The following ORC5 variants were observed in gnomAD, a reference collection of about 807,000 sequenced individuals.
ORC5 encodes origin recognition complex subunit 5, also known as protein phosphatase 1, regulatory subunit 117.
A neutral mutation model predicts 58.8 loss-of-function variants in ORC5; 39 were observed. The observed-to-expected ratio is 0.66, with a 90% confidence interval of 0.51 to 0.87. ORC5 has a LOEUF of 0.87. Ranked by LOEUF, ORC5 falls within the 40% of genes least tolerant of loss-of-function variation. The pLI is 0.00. For missense variants in ORC5, 493 were observed against 506.3 expected (o/e 0.97, Z 0.25); for synonymous variants, 218 against 177.6 (o/e 1.23, Z -1.81).
chr7:104,204,066 G>A, intron 2 of ORC5, 76 bp downstream of exon 2: 1 of 705,404 alleles, frequency 1.4e-6, no homozygotes. Context: ...TTTTGCATTT[G>A]TGGAGATTCA....
At chr7:104,161,929 T>C (rs907041993) in intron 11 of ORC5, among the ~76,000 whole-genome samples, 2 of 152,132 alleles carry the variant, frequency 1.3e-5, no homozygotes, top group African/African-American at 4.8e-5. Flanking sequence ...GCCAGGAAAA[T>C]TCAACACCAG....
At chr7:104,192,544 TA>T (rs1799699269) in intron 5 of ORC5, among the ~76,000 whole-genome samples, 2 of 152,006 alleles carry the variant, frequency 1.3e-5, no homozygotes, top group African/African-American at 4.8e-5. Flanking sequence ...AAAATAGCCT[TA>T]AAAGGGTCAA....
At chr7:104,131,119 G>A (rs561538446) in intron 13 of ORC5, among the ~76,000 whole-genome samples, 105 of 152,274 alleles carry the variant, frequency 6.9e-4, no homozygotes, top group African/African-American at 2.5e-3. Flanking sequence ...CCAACAAACT[G>A]CTTTCCTTTC....
intron 12 of ORC5, among the ~76,000 whole-genome samples, chr7:104,148,825 G>C (rs1798801077): frequency 6.6e-6 from 1 of 152,154 alleles, no homozygotes; most frequent in Non-Finnish European, 1.5e-5. Flanking sequence ...CTTGAGGTCA[G>C]GAGTTCAAGA....
intron 8 of ORC5, among the ~76,000 whole-genome samples, chr7:104,179,898 T>C (rs1210269837): frequency 1.3e-5 from 2 of 152,190 alleles, no homozygotes; most frequent in African/African-American, 4.8e-5. Flanking sequence ...AACTCTCTCT[T>C]TTAACTTTTT....
intron 1 of ORC5, 101 bp downstream of exon 1, chr7:104,207,732 T>C (rs529296667): frequency 1.8e-6 from 2 of 1,118,296 alleles, no homozygotes; most frequent in East Asian, 2.4e-5. Flanking sequence ...AAACGGCCTT[T>C]TGGCCCTCAA....
chr7:104,165,515 T>C (rs1799092898), intron 10 of ORC5: 1 of 342,088 alleles, frequency 2.9e-6, no homozygotes, highest in African/African-American at 2.2e-5. Flanking sequence ...AAAGAATTTC[T>C]AAAATAAAAT....
intron 8 of ORC5, among the ~76,000 whole-genome samples, chr7:104,177,913 T>C (rs1799356037): frequency 6.6e-6 from 1 of 152,232 alleles, no homozygotes; most frequent in Non-Finnish European, 1.5e-5. Flanking sequence ...ATCCTTTTCA[T>C]GGCTGCATAG....
In ORC5 at chr7:104,188,355, C is replaced by G. The variant is rs1322481732; in HGVS notation, c.580G>C (p.Asp194His). 1.2e-6 allele frequency: 2 copies of G among 1,610,326 alleles called. No individual in the cohort carries two copies. The highest frequency in any genetic ancestry group is 1.7e-6 in the Non-Finnish European group (2 of 1,177,118). Residue 194 changes from aspartate to histidine, a missense_variant, in exon 6 of 14, where the codon GAT becomes CAT. Physicochemically the swap from Asp to His is moderately conservative, Grantham distance 81 (BLOSUM62 -1). Transcript: ENST00000297431. Reference sequence around the variant, plus strand: ...TCAGCTGAATACTCTGGAGGATGATCATGGGACAGGATCTTTTGAAGGTTG... The same window carrying G: ...TCAGCTGAATACTCTGGAGGATGATGATGGGACAGGATCTTTTGAAGGTTG... ...IGNLQKILSH[D>H]HPPEYSADFY...
chr7:104,135,760 T>C (rs1798578285), intron 13 of ORC5, among the ~76,000 whole-genome samples: 1 of 152,212 alleles, frequency 6.6e-6, no homozygotes, highest in Admixed American at 6.5e-5. Flanking sequence ...TGTTTTAGGC[T>C]GAACAAAATA....
At chr7:104,166,134 T>C (rs1437196522) in intron 10 of ORC5, among the ~76,000 whole-genome samples, 1 of 152,012 alleles carries the variant, frequency 6.6e-6, no homozygotes, top group East Asian at 1.9e-4. Flanking sequence ...GCAAACATCA[T>C]GTGAAATAGG....
chr7:104,179,235 C>T (rs999323084), intron 8 of ORC5, among the ~76,000 whole-genome samples: 4 of 150,040 alleles, frequency 2.7e-5, no homozygotes, highest in African/African-American at 9.8e-5. Context: ...ATGTGTGAAG[C>T]ATCACACCCA....
chr7:104,173,763 C>G (rs1799260753), intron 8 of ORC5, among the ~76,000 whole-genome samples: 1 of 151,184 alleles, frequency 6.6e-6, no homozygotes, highest in African/African-American at 2.4e-5. Context: ...TGAGGTATGT[C>G]TTTTCTGGTG....
intron 13 of ORC5, 105 bp from the exon 14 acceptor site, chr7:104,126,998 A>C (rs1156725770): frequency 2.9e-5 from 21 of 717,700 alleles, no homozygotes; most frequent in South Asian, 1.6e-4. Context: ...TAATGCTAAA[A>C]ATCCTATAGT....
In ORC5 at chr7:104,177,078, T is replaced by C. The variant is rs190231235; in HGVS notation, c.824+6865A>G. On this transcript the variant is annotated intron_variant, in intron 8 of 13. Coordinates refer to ENST00000297431, the MANE Select transcript of ORC5 (RefSeq NM_002553.4). The stretch of plus-strand genomic sequence containing the variant: ...CACTTAGGTGAACACCTGATATTCA[T>C]AGGCTATAAAAATGATTAACATGGA... Among the ~76,000 whole-genome samples, 7 of 152,370 alleles carry C rather than the reference T, an allele frequency of 4.6e-5. No individual in the cohort carries two copies. In the East Asian group the frequency reaches 5.8e-4, roughly 13 times the overall value.
chr7:104,195,240 C>T lies in ORC5; in HGVS notation c.456G>A (p.Val152=). The part of the protein sequence containing the change: ...LRLQELADRN[V]TVLFLSEIVW... ...CAATTTCACTGAGAAAGAGAACAGT[C>T]ACATTTCTGTCAGCCTGTAAAAAGA... Residue 152 remains valine (V), a synonymous_variant, in exon 5 of 14, where the codon GTG becomes GTA. Coordinates refer to ENST00000297431, the MANE Select transcript of ORC5 (RefSeq NM_002553.4). 1 of 1,547,366 alleles carries T rather than the reference C, an allele frequency of 6.5e-7. No individual in the cohort carries two copies. The highest frequency in any genetic ancestry group is 1.2e-5 in the South Asian group (1 of 80,444).
intron 4 of ORC5, among the ~76,000 whole-genome samples, chr7:104,196,659 G>A (rs566791765): frequency 6.6e-6 from 1 of 152,194 alleles, no homozygotes. Flanking sequence ...AATGCTTTAA[G>A]CACTTCTCCC....
rs1056677 is a variant in ORC5 at position 104,204,198 on chromosome 7, C to T, written c.109G>A (p.Gly37Arg). 6.2e-7 allele frequency: 1 copy of T among 1,601,156 alleles called. No homozygotes were observed. Among genetic ancestry groups the T allele is most frequent in the Non-Finnish European group, 8.5e-7 (1 of 1,173,620 alleles). ...HFSFPSIFIY[G>R]HTASGKTYVT... ...TAGGTCTTTCCACTAGCAGTATGTC[C>T]ATAAATAAAAATGGATGGAAAGCTG... The change falls in exon 2 of 14, where the codon GGA (glycine) becomes AGA (arginine). Residue 37 changes from glycine to arginine, a missense_variant. Around this residue, in one of 3 missense-constraint regions of ORC5, gnomAD observed 412 missense variants for 403.7 expected, o/e 1.02. Transcript: ENST00000297431.
chr7:104,127,887 T>C (rs543536130), intron 13 of ORC5, among the ~76,000 whole-genome samples: 12 of 152,312 alleles, frequency 7.9e-5, no homozygotes, highest in Admixed American at 2.6e-4. Context: ...GTACCTAATG[T>C]TGGACTGAAG....
Sources: allele counts gnomAD v4.1 joint callset (sites outside exome capture counted in the v4.1 genomes callset), GRCh38; gene constraint gnomAD v4.1.1; regional missense constraint gnomAD v4.1.1; transcripts MANE v1.5; gene names NCBI Gene and HGNC (gene_info 2026-07-23, HGNC 2026-07-21).